The following MCTP1 variants were observed in gnomAD, a reference collection of about 807,000 sequenced individuals.
MCTP1 encodes multiple C2 and transmembrane domain-containing protein 1.
Under a neutral mutation model 120.6 loss-of-function variants are expected in MCTP1, and 69 were observed. The observed-to-expected ratio is 0.57, with a 90% CI of 0.47 to 0.70. The LOEUF is 0.70. Ranked by LOEUF, MCTP1 falls within the 30% of genes least tolerant of loss-of-function variation. The pLI, the probability that MCTP1 is intolerant of heterozygous loss-of-function variation, is 0.00. For missense variants in MCTP1, 1,203 were observed against 1,248.8 expected (o/e 0.96, Z 0.55); for synonymous variants, 529 against 493.1 (o/e 1.07, Z -0.96).
intron 2 of MCTP1, among the ~76,000 whole-genome samples, chr5:94,956,612 G>A (rs957551046): frequency 2.0e-5 from 3 of 151,988 alleles, no homozygotes; most frequent in Non-Finnish European, 2.9e-5. Context: ...TGAGAACTTC[G>A]TGAAGCATAC....
chr5:94,872,599 C>A (rs1409787177), intron 13 of MCTP1, among the ~76,000 whole-genome samples: 1 of 152,016 alleles, frequency 6.6e-6, no homozygotes, highest in Admixed American at 6.6e-5. Flanking sequence ...GCATTGGCAG[C>A]TTTTACAGTG....
intron 1 of MCTP1, among the ~76,000 whole-genome samples, chr5:95,103,606 G>T (rs1756894464): frequency 6.6e-6 from 1 of 152,200 alleles, no homozygotes; most frequent in Non-Finnish European, 1.5e-5. Context: ...TTCTTGGAAA[G>T]CAATCAAAAT....
chr5:95,066,899 G>C (rs79812283), intron 1 of MCTP1, among the ~76,000 whole-genome samples: 162 of 152,262 alleles, frequency 1.1e-3, no homozygotes, highest in African/African-American at 3.6e-3. Flanking sequence ...TAAATAATGT[G>C]CGATCTAGAT....
At chr5:94,710,303 C>T (rs1288756039) in intron 21 of MCTP1, 2 of 152,046 alleles carry the variant, frequency 1.3e-5, no homozygotes, top group Non-Finnish European at 2.9e-5. Flanking sequence ...TTTATAGAAA[C>T]ATTCTTGTTT....
At chr5:95,223,655 T>G (rs1182435002) in intron 1 of MCTP1, among the ~76,000 whole-genome samples, 1 of 152,126 alleles carries the variant, frequency 6.6e-6, no homozygotes, top group Non-Finnish European at 1.5e-5. Context: ...TTTGTATATT[T>G]CTTGAAACTG....
At chr5:95,119,087 C>A (rs1307204946) in intron 1 of MCTP1, among the ~76,000 whole-genome samples, 2 of 152,194 alleles carry the variant, frequency 1.3e-5, no homozygotes, top group East Asian at 3.8e-4. Flanking sequence ...AATACACATT[C>A]TTTTCCACAG....
intron 19 of MCTP1, among the ~76,000 whole-genome samples, chr5:94,762,929 T>TA (rs2152856636): frequency 6.6e-6 from 1 of 152,322 alleles, no homozygotes; most frequent in African/African-American, 2.4e-5. Flanking sequence ...TTAAATAAGG[T>TA]AAGAAGGGAA....
intron 1 of MCTP1, among the ~76,000 whole-genome samples, chr5:95,102,774 G>C (rs2152374272): frequency 6.6e-6 from 1 of 152,334 alleles, no homozygotes; most frequent in East Asian, 1.9e-4. Flanking sequence ...CCCTTAAGGA[G>C]GTGATACATT....
chr5:94,795,326 A>G (rs1779787525), intron 18 of MCTP1, among the ~76,000 whole-genome samples: 1 of 152,188 alleles, frequency 6.6e-6, no homozygotes, highest in African/African-American at 2.4e-5. Flanking sequence ...TAACACAATC[A>G]GTTTCTCTCT....
chr5:95,137,442 A>G lies in MCTP1; in HGVS notation c.721-119958T>C, dbSNP rs902145630. On this transcript the variant is annotated intron_variant, in intron 1 of 22. Coordinates refer to ENST00000515393, the MANE Select transcript of MCTP1 (RefSeq NM_024717.7). The stretch of plus-strand genomic sequence containing the variant: ...GCCTAGCACACAGTAAGTGCTCAAT[A>G]CATATCATCATTAAACAGTATCCCC... 4.6e-5 allele frequency among the ~76,000 whole-genome samples: 7 copies of G among 152,260 alleles called. No individual in the cohort carries two copies. In the East Asian group the frequency reaches 1.3e-3, roughly 29 times the overall value.
At chr5:95,059,526 A>G (rs984062474) in intron 1 of MCTP1, among the ~76,000 whole-genome samples, 1 of 152,140 alleles carries the variant, frequency 6.6e-6, no homozygotes, top group South Asian at 2.1e-4. Context: ...CAATATACCC[A>G]AGTAATAAAC....
intron 2 of MCTP1, among the ~76,000 whole-genome samples, chr5:95,002,973 T>C (rs932634882): frequency 1.3e-5 from 2 of 152,174 alleles, no homozygotes; most frequent in Non-Finnish European, 2.9e-5. Flanking sequence ...AATTGAATCA[T>C]GGGGGCAGCT....
chr5:95,218,198 A>G lies in MCTP1; in HGVS notation c.720+65658T>C, dbSNP rs146905161. Among the ~76,000 whole-genome samples, 31 of 152,366 alleles carry G rather than the reference A, an allele frequency of 2.0e-4. No individual in the cohort carries two copies. In the East Asian group the frequency reaches 5.4e-3, roughly 27 times the overall value. On this transcript the variant is annotated intron_variant, in intron 1 of 22. Transcript: ENST00000515393. Reference sequence around the variant, plus strand: ...CAATGAGATAAGAGCTGGGATGAAAAGAATTTGACAGAGCAAGAGTAGATG... The same window carrying G: ...CAATGAGATAAGAGCTGGGATGAAAGGAATTTGACAGAGCAAGAGTAGATG...
At chr5:94,995,016 G>A (rs1447235709) in intron 2 of MCTP1, among the ~76,000 whole-genome samples, 3 of 152,156 alleles carry the variant, frequency 2.0e-5, no homozygotes, top group Non-Finnish European at 4.4e-5. Flanking sequence ...TGAGGTTTTG[G>A]GACTAGGACT....
chr5:95,245,947 A>G lies in MCTP1; in HGVS notation c.720+37909T>C, dbSNP rs188676904. Among the ~76,000 whole-genome samples the G allele has an allele frequency of 3.2e-3, 482 of 152,344 alleles. 2 individuals carry two copies. The highest frequency in any genetic ancestry group is 0.011 in the African/African-American group (455 of 41,590). On this transcript the variant is annotated intron_variant, in intron 1 of 22. Transcript: ENST00000515393. ...GCCAGAGAGAAAAGTCGGGTTACCC[A>G]CAAAGGGAAGCCCATCAGACTAACA...
chr5:94,752,628 T>C (rs1768774751), intron 19 of MCTP1, among the ~76,000 whole-genome samples: 1 of 152,072 alleles, frequency 6.6e-6, no homozygotes, highest in Admixed American at 6.5e-5. Context: ...TAGGATGTTT[T>C]TTTAAAAAAA....
chr5:95,067,494 A>G (rs1405909874), intron 1 of MCTP1, among the ~76,000 whole-genome samples: 4 of 152,194 alleles, frequency 2.6e-5, no homozygotes, highest in Admixed American at 6.5e-5. Context: ...GATTGTCTCT[A>G]TAGAAAATCC....
intron 19 of MCTP1, among the ~76,000 whole-genome samples, chr5:94,738,401 C>A (rs1764759738): frequency 1.3e-5 from 2 of 152,052 alleles, no homozygotes; most frequent in Admixed American, 1.3e-4. Flanking sequence ...CACCTTGTCC[C>A]AGTGCAAAGT....
chr5:95,006,685 C>G (rs1307009049), intron 2 of MCTP1, among the ~76,000 whole-genome samples: 4 of 152,128 alleles, frequency 2.6e-5, no homozygotes, highest in Non-Finnish European at 5.9e-5. Context: ...AAGGAAGGGA[C>G]TGCCAACAAA....
Sources: gnomAD v4.1 joint callset for allele counts (sites outside exome capture counted in the v4.1 genomes callset) on GRCh38, gnomAD v4.1.1 for gene constraint, MANE v1.5 for transcripts, NCBI Gene and HGNC (gene_info 2026-07-23, HGNC 2026-07-21) for gene names.